Variants in KNG1 observed in about 807,000 individuals in gnomAD.
KNG1 encodes kininogen-1.
A neutral mutation model predicts 47.8 loss-of-function variants in KNG1; 23 were observed. The ratio of observed to expected loss-of-function variants is 0.48; its 90% CI spans 0.35 to 0.68. KNG1 has a LOEUF of 0.68. Ranked by LOEUF, KNG1 falls within the 30% of genes least tolerant of loss-of-function variation. The pLI, the probability that KNG1 is intolerant of heterozygous loss-of-function variation, is 0.01. For missense variants in KNG1, 762 were observed against 790.2 expected (o/e 0.96, Z 0.43); for synonymous variants, 277 against 277.0 (o/e 1.00, Z 0.00).
At chr3:186,724,181 A>T (rs1217903714) in intron 3 of KNG1, among the ~76,000 whole-genome samples, 1 of 152,128 alleles carries the variant, frequency 6.6e-6, no homozygotes, top group Non-Finnish European at 1.5e-5. Context: ...TGGTTGCACT[A>T]ATTTACATTC....
intron 3 of KNG1, among the ~76,000 whole-genome samples, chr3:186,723,935 T>A (rs939755759): frequency 4.6e-5 from 7 of 152,220 alleles, no homozygotes; most frequent in Non-Finnish European, 1.0e-4. Context: ...ATTACAGGTG[T>A]GAGCCACTGT....
In KNG1 at chr3:186,732,662, A is replaced by C; in HGVS notation, c.918A>C (p.Lys306Asn). Residue 306 changes from lysine to asparagine, a missense_variant, in exon 7 of 10, where the codon AAA becomes AAC. Lys to Asn is a moderately conservative substitution (Grantham distance 94, BLOSUM62 0). Coordinates refer to ENST00000644859, the MANE Select transcript of KNG1 (RefSeq NM_001102416.3). ...ATTTCAAGATTGACAATGTGAAAAAAGCAAGAGTACAGGTGTGTAAACTAT... is the reference window on the plus strand; with the variant it reads ...ATTTCAAGATTGACAATGTGAAAAACGCAAGAGTACAGGTGTGTAAACTAT... The part of the protein sequence containing the change: ...TFYFKIDNVK[K>N]ARVQVVAGKK... 1.2e-6 allele frequency: 2 copies of C among 1,613,582 alleles called. No individual in the cohort carries two copies. The highest frequency in any genetic ancestry group is 1.3e-5 in the African/African-American group (1 of 75,054).
chr3:186,735,984 T>C (rs1720662551), intron 7 of KNG1: 1 of 152,192 alleles, frequency 6.6e-6, no homozygotes, highest in Admixed American at 6.5e-5. Context: ...TAGGCCACCA[T>C]GTATTGTATG....
Position 186,730,699 on chromosome 3 carries a change from TATATATATATATATATACACACAC to T in KNG1, c.673-844_673-821del, listed in dbSNP as rs1720501429. On this transcript the variant is annotated intron_variant, in intron 5 of 9. Coordinates refer to ENST00000644859, the MANE Select transcript of KNG1 (RefSeq NM_001102416.3). ...AAAAAAAAAAATATATATATATATA[TATATATATATATATATACACACAC>T]ACACACATATATATATACACATATA... 7.1e-3 allele frequency among the ~76,000 whole-genome samples: 178 copies of T among 25,132 alleles called. 1 individual carries two copies. The highest frequency in any genetic ancestry group is 0.017 in the African/African-American group (168 of 10,010). The allele number at this position is 25,132 out of a possible 152,430, so 16.5% of individuals were successfully genotyped here. A position where few individuals can be genotyped will look rare whatever the true frequency, so the allele number is the denominator to read the frequency against.
chr3:186,742,908 A>G lies in KNG1; in HGVS notation c.*577A>G. On this transcript the variant is annotated 3_prime_UTR_variant, in exon 10 of 10. Transcript: ENST00000644859. Reference sequence around the variant, plus strand: ...CTCAGAAAAAAAGAAAAAAAAAGAAATAATAAGAAAAACTTCCAGATTTCA... The same window carrying G: ...CTCAGAAAAAAAGAAAAAAAAAGAAGTAATAAGAAAAACTTCCAGATTTCA... 1 of 980,342 alleles carries G rather than the reference A, an allele frequency of 1.0e-6. No homozygotes were observed. Among genetic ancestry groups the G allele is most frequent in the Middle Eastern group, 5.3e-4 (1 of 1,896 alleles). The allele number at this position is 980,342 out of a possible 1,614,324, so 60.7% of individuals were successfully genotyped here.
chr3:186,726,832 C>G (rs1720385502), intron 4 of KNG1, among the ~76,000 whole-genome samples: 1 of 152,142 alleles, frequency 6.6e-6, no homozygotes, highest in Non-Finnish European at 1.5e-5. Flanking sequence ...AAAGACCACT[C>G]CCCTCTAAAG....
At chr3:186,725,667 C>T (rs1720345071) in intron 4 of KNG1, among the ~76,000 whole-genome samples, 1 of 149,536 alleles carries the variant, frequency 6.7e-6, no homozygotes, top group Non-Finnish European at 1.5e-5. Flanking sequence ...GCCTCAGCCT[C>T]CTGAGTAGCT....
intron 9 of KNG1, among the ~76,000 whole-genome samples, chr3:186,739,843 G>A (rs1720762944): frequency 6.6e-6 from 1 of 152,164 alleles, no homozygotes; most frequent in Admixed American, 6.5e-5. Flanking sequence ...CCTGAGGTCA[G>A]GAGTTTGAGA....
rs149952868 is a variant in KNG1 at position 186,738,285 on chromosome 3, A to G, written c.931-814A>G. The G allele has an allele frequency of 1.8e-3, 278 of 152,262 alleles. 1 individual carries two copies. The highest frequency in any genetic ancestry group is 6.3e-3 in the African/African-American group (260 of 41,560). 9.4% of individuals were successfully genotyped at this position (152,262 alleles called of 1,614,324 possible). A position where few individuals can be genotyped will look rare whatever the true frequency, so the allele number is the denominator to read the frequency against. ...GAACCACCACGCCCAGCCTAAAATAATTTCTTAATATTAAAAATAGTAAGA... is the reference window on the plus strand; with the variant it reads ...GAACCACCACGCCCAGCCTAAAATAGTTTCTTAATATTAAAAATAGTAAGA... On this transcript the variant is annotated intron_variant, in intron 7 of 9. Transcript: ENST00000644859.
At chr3:186,736,520 A>G (rs148892840) in intron 7 of KNG1, 3,250 of 152,258 alleles carry the variant, frequency 0.021, 66 homozygotes, top group South Asian at 0.091. Flanking sequence ...AGTTTCATAT[A>G]AGTTTTATTT....
intron 9 of KNG1, among the ~76,000 whole-genome samples, 191 bp from the exon 10 acceptor site, chr3:186,741,331 C>T (rs1720805390): frequency 6.6e-6 from 1 of 152,066 alleles, no homozygotes. Context: ...TTAATGTCCA[C>T]AAATTTTAAG....
At position 186,727,284 on chromosome 3, in the gene KNG1, G is replaced by A. The variant is rs142183659; in HGVS notation, c.612G>A (p.Thr204=). 29 of 1,613,876 alleles carry A rather than the reference G, an allele frequency of 1.8e-5. 1 individual carries two copies. The South Asian group carries it at 2.0e-4, about 11-fold the overall frequency. ...NFRITYSIVQ[T]NCSKENFLFL... is the part of the protein sequence containing the mutation. ...GAATTACCTACTCAATTGTGCAAAC[G>A]AATTGTTCCAAAGAGAATTTTCTGT... Residue 204 remains threonine, a synonymous_variant, in exon 5 of 10, where the codon ACG becomes ACA. Transcript: ENST00000644859.
At chr3:186,740,983 TTTG>T (rs1553794061) in intron 9 of KNG1, among the ~76,000 whole-genome samples, 5 of 151,922 alleles carry the variant, frequency 3.3e-5, no homozygotes, top group East Asian at 1.9e-4. Flanking sequence ...TTGTTTTTTT[TTTG>T]TTGTTGTTGT....
intron 5 of KNG1, among the ~76,000 whole-genome samples, chr3:186,731,340 C>T (rs1233583503): frequency 6.6e-6 from 1 of 152,100 alleles, no homozygotes; most frequent in Non-Finnish European, 1.5e-5. Context: ...TCCATGTGCT[C>T]ATGTATATGC....
At chr3:186,733,598 C>T (rs5030107) in intron 7 of KNG1, among the ~76,000 whole-genome samples, 3,656 of 152,252 alleles carry the variant, frequency 0.024, 59 homozygotes, top group Admixed American at 0.028. Context: ...CGCTCACATC[C>T]CAGATCACTC....
chr3:186,743,894 T>A lies in KNG1; in HGVS notation c.*1563T>A. Reference sequence around the variant, plus strand: ...GGGATAGAATTTAAATAGAGAAGAATGCCATTTTATCACTCTGCCTCTGGG... The same window carrying A: ...GGGATAGAATTTAAATAGAGAAGAAAGCCATTTTATCACTCTGCCTCTGGG... On this transcript the variant is annotated 3_prime_UTR_variant, in exon 10 of 10. Coordinates refer to ENST00000644859, the MANE Select transcript of KNG1 (RefSeq NM_001102416.3). The A allele has an allele frequency of 1.3e-6, 1 of 782,532 alleles. No individual in the cohort carries two copies. 48.5% of individuals were successfully genotyped at this position (782,532 alleles called of 1,614,324 possible).
chr3:186,723,862 C>T (rs1465668369), intron 3 of KNG1, among the ~76,000 whole-genome samples: 1 of 152,086 alleles, frequency 6.6e-6, no homozygotes, highest in Non-Finnish European at 1.5e-5. Context: ...CCATGTTGGC[C>T]AGGCTGGTCT....
At chr3:186,729,788 T>A (rs1307345439) in intron 5 of KNG1, among the ~76,000 whole-genome samples, 4 of 152,094 alleles carry the variant, frequency 2.6e-5, no homozygotes, top group African/African-American at 9.7e-5. Context: ...TTCTCCTGCC[T>A]CAGCTTCCCG....
In KNG1 at chr3:186,725,543, A is replaced by ATTTTTTTTT. The variant is rs71167003; in HGVS notation, c.564+294_564+302dup. On this transcript the variant is annotated intron_variant, in intron 4 of 9. Coordinates refer to ENST00000644859, the MANE Select transcript of KNG1 (RefSeq NM_001102416.3). ...AAGGAAAAGTCATACCGGCCTTAGG[A>ATTTTTTTTT]TTTTTTTTTTTTTTTTTTTGAGACA... Among the ~76,000 whole-genome samples the ATTTTTTTTT allele has an allele frequency of 2.5e-3, 220 of 87,702 alleles. 35 individuals carry two copies. Among genetic ancestry groups the ATTTTTTTTT allele is most frequent in the African/African-American group, 9.6e-3 (206 of 21,484 alleles). 57.5% of individuals were successfully genotyped at this position (87,702 alleles called of 152,430 possible). A position where few individuals can be genotyped will look rare whatever the true frequency, so the allele number is the denominator to read the frequency against.
Sources: allele counts gnomAD v4.1 joint callset (sites outside exome capture counted in the v4.1 genomes callset), GRCh38; gene constraint gnomAD v4.1.1; transcripts MANE v1.5; gene names NCBI Gene and HGNC (gene_info 2026-07-23, HGNC 2026-07-21).